The following RPS18 variants were observed in gnomAD, a reference collection of about 807,000 sequenced individuals.
The protein encoded by RPS18 is ribosomal protein S18.
For synonymous variants in RPS18, 64 were observed against 70.9 expected, an observed-to-expected ratio of 0.90 and a Z score of 0.49; for missense variants, 49 against 200.8, an observed-to-expected ratio of 0.24 and a Z score of 4.57.
intron 1 of RPS18, 28 bp from the exon 2 acceptor site, chr6:33,272,600 A>C: frequency 1.0e-6 from 1 of 971,326 alleles, no homozygotes; most frequent in Non-Finnish European, 1.7e-6. Flanking sequence ...ACTGTGTCTG[A>C]TTTCTTCCCC....
chr6:33,272,075 C>G lies in RPS18; in HGVS notation c.-45C>G. The G allele has an allele frequency of 6.4e-7, 1 of 1,559,406 alleles. No homozygotes were observed. The highest frequency in any genetic ancestry group is 1.2e-5 in the South Asian group (1 of 84,722). On this transcript the variant is annotated 5_prime_UTR_variant, in exon 1 of 6. Transcript: ENST00000439602. ...ATAATGATATCGCGTCACTTCCGCT[C>G]TCTCTTCCACAGGAGGCCTACACGC...
At chr6:33,273,392 C>T (rs213207) in intron 2 of RPS18, among the ~76,000 whole-genome samples, 85,511 of 151,560 alleles carry the variant, frequency 0.56, 24,465 homozygotes, top group East Asian at 0.72. Flanking sequence ...CTTTTTTTTT[C>T]CCTTAAGTCA....
chr6:33,276,136 CA>C (rs745641404), intron 4 of RPS18, 39 bp from the exon 5 acceptor site: 1 of 1,605,236 alleles, frequency 6.2e-7, no homozygotes, highest in Non-Finnish European at 8.5e-7. Context: ...CATAGGAGGT[CA>C]GGGGATAAAA....
intron 1 of RPS18, chr6:33,272,374 A>C (rs1461819713): frequency 8.2e-6 from 5 of 606,082 alleles, no homozygotes; most frequent in Non-Finnish European, 1.5e-5. Context: ...TTTGCCACGC[A>C]CTTTTGGGAA....
chr6:33,276,350 C>G (rs768634484), intron 5 of RPS18, 41 bp from the exon 6 acceptor site: 6 of 1,609,310 alleles, frequency 3.7e-6, no homozygotes, highest in Non-Finnish European at 5.1e-6. Flanking sequence ...CCTTTTGTTT[C>G]TGCTGTGCAT....
At chr6:33,272,295 C>T (rs1765255119) in intron 1 of RPS18, 173 bp downstream of exon 1, 2 of 748,150 alleles carry the variant, frequency 2.7e-6, no homozygotes, top group Admixed American at 2.4e-5. Context: ...AGAGCGGGCC[C>T]GAGGAAGGGT....
chr6:33,272,510 G>GT, intron 1 of RPS18, 118 bp from the exon 2 acceptor site: 1 of 738,412 alleles, frequency 1.4e-6, no homozygotes, highest in South Asian at 1.5e-5. Context: ...TGGGGGGCGG[G>GT]TGTCTTGCCA....
intron 2 of RPS18, among the ~76,000 whole-genome samples, chr6:33,273,509 A>T (rs1321379958): frequency 6.6e-6 from 1 of 152,104 alleles, no homozygotes; most frequent in African/African-American, 2.4e-5. Context: ...AGGCGACGTT[A>T]GGGAATGGAT....
chr6:33,273,408 T>C (rs907128321), intron 2 of RPS18, among the ~76,000 whole-genome samples: 6 of 152,108 alleles, frequency 3.9e-5, no homozygotes, highest in Non-Finnish European at 5.9e-5. Flanking sequence ...AGTCAGAATG[T>C]GTAGTTAGTT....
intron 2 of RPS18, among the ~76,000 whole-genome samples, chr6:33,273,994 G>A (rs1189221351): frequency 1.3e-5 from 2 of 151,976 alleles, no homozygotes; most frequent in African/African-American, 2.4e-5. Context: ...GTCTCACCCC[G>A]TCACCCAGGC....
At chr6:33,276,319 C>G (rs1363912267) in intron 5 of RPS18, 52 bp downstream of exon 5, 4 of 1,603,648 alleles carry the variant, frequency 2.5e-6, no homozygotes, top group Non-Finnish European at 3.4e-6. Context: ...ATTCCTCCTA[C>G]TCGCTCTTCT....
chr6:33,276,354 T>G, intron 5 of RPS18, 37 bp from the exon 6 acceptor site: 4 of 1,610,830 alleles, frequency 2.5e-6, no homozygotes, highest in Non-Finnish European at 3.4e-6. Context: ...TTGTTTCTGC[T>G]GTGCATGACC....
At chr6:33,272,943 C>A (rs1182562059) in intron 2 of RPS18, among the ~76,000 whole-genome samples, 3 of 152,166 alleles carry the variant, frequency 2.0e-5, no homozygotes, top group Non-Finnish European at 4.4e-5. Flanking sequence ...AAGGTCAAGC[C>A]AAAACATTTC....
Position 33,272,735 on chromosome 6 carries a change from A to AGT in RPS18, c.102+10_102+11dup, listed in dbSNP as rs1765308009. 3 of 1,324,840 alleles carry AGT rather than the reference A, an allele frequency of 2.3e-6. No individual in the cohort carries two copies. Among genetic ancestry groups the AGT allele is most frequent in the Non-Finnish European group, 3.3e-6 (3 of 915,518 alleles). The allele number at this position is 1,324,840 out of a possible 1,614,324, so 82.1% of individuals were successfully genotyped here. On this transcript the variant is annotated intron_variant, in intron 2 of 5. Transcript: ENST00000439602. The stretch of plus-strand genomic sequence containing the variant: ...CCATCACTGCCATTAAGGTAAGTGA[A>AGT]GTAGGGTAAGGAATAGGGAATGTAA...
chr6:33,272,408 C>T, intron 1 of RPS18: 1 of 607,918 alleles, frequency 1.6e-6, no homozygotes, highest in Non-Finnish European at 2.9e-6. Context: ...TGCTTCCTCT[C>T]TCCAGAGGTT....
At chr6:33,275,905 G>A (rs755411754) in intron 3 of RPS18, 22 bp downstream of exon 3, 39 of 1,606,498 alleles carry the variant, frequency 2.4e-5, no homozygotes, top group Non-Finnish European at 3.2e-5. Context: ...GAAGGGGGCT[G>A]GGGGTGGGGT....
intron 2 of RPS18, among the ~76,000 whole-genome samples, chr6:33,273,616 G>A (rs754087915): frequency 6.6e-6 from 1 of 152,188 alleles, no homozygotes; most frequent in Non-Finnish European, 1.5e-5. Context: ...GTGAAATACT[G>A]TACTTATTTC....
At chr6:33,273,779 CAT>C (rs1009543847) in intron 2 of RPS18, among the ~76,000 whole-genome samples, 7 of 152,282 alleles carry the variant, frequency 4.6e-5, no homozygotes, top group Admixed American at 1.3e-4. Context: ...CACTTGTAAA[CAT>C]ATAATTAAAT....
intron 2 of RPS18, among the ~76,000 whole-genome samples, chr6:33,273,842 T>G (rs1320396835): frequency 1.3e-5 from 2 of 151,608 alleles, no homozygotes; most frequent in African/African-American, 4.8e-5. Context: ...GCGGATCCCC[T>G]GAGGTCAGGA....
Sources: gnomAD v4.1 joint callset for allele counts (sites outside exome capture counted in the v4.1 genomes callset) on GRCh38, gnomAD v4.1.1 for gene constraint, MANE v1.5 for transcripts, NCBI Gene and HGNC (gene_info 2026-07-23, HGNC 2026-07-21) for gene names.